SDK1: variants seen among roughly 807,000 people sequenced by gnomAD.
SDK1 encodes the protein sidekick cell adhesion molecule 1.
In SDK1, 157 loss-of-function variants were observed where a neutral mutation model predicts 245.5. That is an observed-to-expected ratio of 0.64 (90% CI 0.56 to 0.73). The LOEUF is 0.73. SDK1 is among the 30% of genes least tolerant of loss of function. SDK1 has a pLI of 0.00. For synonymous variants in SDK1, 1,647 were observed against 1,278.5 expected (o/e 1.29, Z -6.15); for missense variants, 3,583 against 3,002.3 (o/e 1.19, Z -4.52).
At chr7:3,578,719 C>T (rs373110165) in intron 1 of SDK1, among the ~76,000 whole-genome samples, 1 of 151,862 alleles carries the variant, frequency 6.6e-6, no homozygotes, top group Non-Finnish European at 1.5e-5. Flanking sequence ...TTTATAGGCT[C>T]TCTGCAGGAA....
intron 22 of SDK1, among the ~76,000 whole-genome samples, chr7:4,101,801 G>A (rs949750428): frequency 5.3e-5 from 8 of 152,128 alleles, no homozygotes; most frequent in African/African-American, 1.9e-4. Context: ...CCTTGTGGAG[G>A]GACAGGAAGG....
intron 9 of SDK1, among the ~76,000 whole-genome samples, chr7:3,963,732 A>G (rs533346192): frequency 6.8e-6 from 1 of 147,892 alleles, no homozygotes; most frequent in East Asian, 2.0e-4. Flanking sequence ...TCCAGTGAGT[A>G]CATTCAGCCC....
At chr7:3,516,967 T>C (rs1782775180) in intron 1 of SDK1, among the ~76,000 whole-genome samples, 3 of 152,186 alleles carry the variant, frequency 2.0e-5, no homozygotes, top group Admixed American at 2.0e-4. Context: ...AGATACTTTA[T>C]CTTTTTGGTG....
At chr7:4,053,226 C>G (rs1451285504) in intron 19 of SDK1, among the ~76,000 whole-genome samples, 1 of 152,146 alleles carries the variant, frequency 6.6e-6, no homozygotes, top group Non-Finnish European at 1.5e-5. Flanking sequence ...AGCTCCACCC[C>G]GTGCTGCTCC....
intron 19 of SDK1, among the ~76,000 whole-genome samples, chr7:4,057,900 A>G (rs1779298387): frequency 6.6e-6 from 1 of 152,248 alleles, no homozygotes; most frequent in Non-Finnish European, 1.5e-5. Context: ...CATCTTCAGG[A>G]AAAAGCCCTC....
In SDK1 at chr7:4,192,652, G is replaced by A. The variant is rs116181206; in HGVS notation, c.5099-13227G>A. 4.1e-3 allele frequency among the ~76,000 whole-genome samples: 618 copies of A among 152,232 alleles called. 1 individual carries two copies. Among genetic ancestry groups the A allele is most frequent in the African/African-American group, 0.015 (605 of 41,538 alleles). On this transcript the variant is annotated intron_variant, in intron 35 of 44. Transcript: ENST00000404826. ...TGCACATTGAACAGATTATGGTATC[G>A]TAGAAGCATAGCTTTTATATGCACT...
intron 1 of SDK1, among the ~76,000 whole-genome samples, chr7:3,489,452 A>G (rs1190498811): frequency 2.6e-5 from 4 of 152,206 alleles, no homozygotes; most frequent in African/African-American, 4.8e-5. Flanking sequence ...TATCAGATAT[A>G]TATATTTTTA....
chr7:4,114,447 T>C (rs1029840026), intron 25 of SDK1, among the ~76,000 whole-genome samples, 173 bp downstream of exon 25: 26 of 152,286 alleles, frequency 1.7e-4, no homozygotes, highest in African/African-American at 5.8e-4. Flanking sequence ...TTCTGTCTGA[T>C]TTCATTAGGG....
At chr7:3,455,153 T>G (rs1285107470) in intron 1 of SDK1, among the ~76,000 whole-genome samples, 1 of 152,072 alleles carries the variant, frequency 6.6e-6, no homozygotes, top group Non-Finnish European at 1.5e-5. Context: ...TTTTTTTTAC[T>G]GTTGAGTTTT....
At chr7:3,449,315 C>A (rs569143236) in intron 1 of SDK1, among the ~76,000 whole-genome samples, 5 of 152,348 alleles carry the variant, frequency 3.3e-5, no homozygotes, top group Non-Finnish European at 5.9e-5. Flanking sequence ...ACACATCTTA[C>A]TTTCATTCAT....
At chr7:4,168,207 G>C (rs1364470159) in intron 32 of SDK1, among the ~76,000 whole-genome samples, 4 of 152,160 alleles carry the variant, frequency 2.6e-5, no homozygotes, top group African/African-American at 9.7e-5. Flanking sequence ...CCCTCTGGGG[G>C]CACGGCCGCC....
chr7:4,073,108 T>A (rs552065993), intron 20 of SDK1, among the ~76,000 whole-genome samples: 1 of 152,208 alleles, frequency 6.6e-6, no homozygotes, highest in Admixed American at 6.5e-5. Flanking sequence ...TAGGCAGCCA[T>A]TGGGAGCAGG....
chr7:3,787,094 A>G (rs541784662), intron 4 of SDK1, among the ~76,000 whole-genome samples: 1 of 152,024 alleles, frequency 6.6e-6, no homozygotes, highest in Admixed American at 6.6e-5. Context: ...AGACTTGACA[A>G]TATATTCGTG....
chr7:3,366,767 G>C (rs1781103708), intron 1 of SDK1, among the ~76,000 whole-genome samples: 1 of 151,924 alleles, frequency 6.6e-6, no homozygotes, highest in South Asian at 2.1e-4. Flanking sequence ...TTTTGAGACA[G>C]AGTCTTGCTC....
intron 1 of SDK1, among the ~76,000 whole-genome samples, chr7:3,538,642 G>T (rs1299008231): frequency 6.6e-6 from 1 of 152,180 alleles, no homozygotes; most frequent in Non-Finnish European, 1.5e-5. Flanking sequence ...TCTAATGGGA[G>T]AACTGACCAA....
intron 1 of SDK1, among the ~76,000 whole-genome samples, chr7:3,309,300 A>G (rs1171768013): frequency 6.6e-6 from 1 of 152,024 alleles, no homozygotes; most frequent in African/African-American, 2.4e-5. Context: ...GTTGATTTTT[A>G]TACACAAACC....
In SDK1 at chr7:4,140,842, C is replaced by G. The variant is rs541775822; in HGVS notation, c.4229-4880C>G. Among the ~76,000 whole-genome samples, 36 of 152,284 alleles carry G rather than the reference C, an allele frequency of 2.4e-4. No homozygotes were observed. In the East Asian group the frequency reaches 5.8e-3, roughly 25 times the overall value. On this transcript the variant is annotated intron_variant, in intron 28 of 44. Coordinates refer to ENST00000404826, the MANE Select transcript of SDK1 (RefSeq NM_152744.4). ...AGAGGCCAGACACAGTGGCTCATAC[C>G]TGCAATCCCAGCACTTTGAGAGGCT...
chr7:3,938,645 C>CAAAAAAAAAAAAA (rs559065786), intron 5 of SDK1, among the ~76,000 whole-genome samples: 8 of 90,588 alleles, frequency 8.8e-5, no homozygotes, highest in African/African-American at 4.3e-4. Context: ...GACTCCGTCT[C>CAAAAAAAAAAAAA]AAAAAAAAAA....
At chr7:4,041,285 T>C (rs1788615781) in intron 17 of SDK1, among the ~76,000 whole-genome samples, 1 of 129,372 alleles carries the variant, frequency 7.7e-6, no homozygotes, top group African/African-American at 3.9e-5. Context: ...TAGTTTTGTT[T>C]TACTTTTTTT....
Sources: allele counts gnomAD v4.1 joint callset (sites outside exome capture counted in the v4.1 genomes callset), GRCh38; gene constraint gnomAD v4.1.1; transcripts MANE v1.5; gene names NCBI Gene and HGNC (gene_info 2026-07-23, HGNC 2026-07-21).